The following CFAP46 variants were observed in gnomAD, a reference collection of about 807,000 sequenced individuals.
CFAP46 encodes the protein cilia- and flagella-associated protein 46.
A neutral mutation model predicts 325.7 loss-of-function variants in CFAP46; 245 were observed. The ratio of observed to expected loss-of-function variants is 0.75; its 90% CI spans 0.68 to 0.84. The LOEUF is 0.84. CFAP46 is among the 40% of genes least tolerant of loss of function. The pLI is 0.00. For synonymous variants in CFAP46, 1,523 were observed against 1,495.9 expected (o/e 1.02, Z -0.42); for missense variants, 3,346 against 3,543.0 (o/e 0.94, Z 1.41).
chr10:132,816,328 C>CTTTTTT (rs1008391673), intron 50 of CFAP46, among the ~76,000 whole-genome samples: 13 of 118,846 alleles, frequency 1.1e-4, no homozygotes, highest in Admixed American at 1.7e-4. Flanking sequence ...CTGACTTCTT[C>CTTTTTT]TTTTTTTTTT....
At chr10:132,809,076 C>T (rs968104388) in intron 57 of CFAP46, among the ~76,000 whole-genome samples, 172 bp from the exon 58 acceptor site, 1 of 152,140 alleles carries the variant, frequency 6.6e-6, no homozygotes, top group Non-Finnish European at 1.5e-5. Flanking sequence ...GCACCCCTCC[C>T]GCACCGAGGT....
chr10:132,846,966 G>C lies in CFAP46; in HGVS notation c.6233C>G (p.Pro2078Arg), dbSNP rs776211257. ...EMVECVGTLD[P>R]ATTCQFLALS... ...AGCCAGGAACTGGCAGGTAGTTGCAGGGTCCAGGGTGCCGACACACTCCAC... is the reference window on the plus strand; with the variant it reads ...AGCCAGGAACTGGCAGGTAGTTGCACGGTCCAGGGTGCCGACACACTCCAC... The change falls in exon 43 of 58, where the codon CCT becomes CGT. Residue 2078 changes from proline (P) to arginine (R), a missense_variant. By Grantham distance (103) the Pro-to-Arg change is moderately radical. Transcript: ENST00000368586. The C allele has an allele frequency of 6.2e-7, 1 of 1,610,794 alleles. No homozygotes were observed. The highest frequency in any genetic ancestry group is 8.5e-7 in the Non-Finnish European group (1 of 1,179,752).
In CFAP46 at chr10:132,867,521, A is replaced by C. The variant is rs1482974230; in HGVS notation, c.4611-14T>G. ...TCTTTTCTGCAGCTAATGCGAGGAA[A>C]ACAGACAATACGCAAGAGCCACATG... On this transcript the variant is annotated splice_polypyrimidine_tract_variant and intron_variant, in intron 33 of 57. Transcript: ENST00000368586. 1 of 1,548,714 alleles carries C rather than the reference A, an allele frequency of 6.5e-7. No individual in the cohort carries two copies. The highest frequency in any genetic ancestry group is 8.7e-7 in the Non-Finnish European group (1 of 1,146,738).
Position 132,810,939 on chromosome 10 carries a change from C to T in CFAP46, c.7583+11G>A. 6.3e-7 allele frequency: 1 copy of T among 1,584,966 alleles called. No individual in the cohort carries two copies. The highest frequency in any genetic ancestry group is 1.2e-5 in the South Asian group (1 of 86,908). Reference sequence around the variant, plus strand: ...AGCATCCCTGCCCACCCGTTCCAGGCAGCCAGGCACCTCCTGTGCTCCACG... The same window carrying T: ...AGCATCCCTGCCCACCCGTTCCAGGTAGCCAGGCACCTCCTGTGCTCCACG... On this transcript the variant is annotated intron_variant, in intron 56 of 57. Coordinates refer to ENST00000368586, the MANE Select transcript of CFAP46 (RefSeq NM_001200049.3).
intron 25 of CFAP46, among the ~76,000 whole-genome samples, chr10:132,887,420 C>CCT (rs1849162916): frequency 9.3e-6 from 1 of 107,046 alleles, no homozygotes; most frequent in Non-Finnish European, 1.9e-5. Flanking sequence ...TCTCCTCTCT[C>CCT]CTCCCCTCTT....
At chr10:132,815,763 GTGACAGAGCGAGAC>G (rs1363128365) in intron 50 of CFAP46, among the ~76,000 whole-genome samples, 24 of 152,306 alleles carry the variant, frequency 1.6e-4, no homozygotes, top group Admixed American at 1.3e-4. Flanking sequence ...TCCAGCCTGG[GTGACAGAGCGAGAC>G]CGTCAGGAAG....
rs552296604 is a variant in CFAP46, at chr10:132,933,679, G to A, written c.866+1073C>T. Reference sequence around the variant, plus strand: ...CCCCTCCCTCGAGGAGCCTGCAGCTGAGCAGCGGAGACCTCAATGTTGGGC... The same window carrying A: ...CCCCTCCCTCGAGGAGCCTGCAGCTAAGCAGCGGAGACCTCAATGTTGGGC... On this transcript the variant is annotated intron_variant, in intron 8 of 57. Transcript: ENST00000368586. Among the ~76,000 whole-genome samples the A allele has an allele frequency of 2.0e-5, 3 of 152,362 alleles. No individual in the cohort carries two copies. In the South Asian group the frequency reaches 6.2e-4, roughly 32 times the overall value.
At chr10:132,898,494 T>C in intron 24 of CFAP46, 1 of 304,778 alleles carries the variant, frequency 3.3e-6, no homozygotes. Context: ...CCCCATCCCC[T>C]GGGCCTTGGG....
rs143310642 is a variant in CFAP46, at chr10:132,865,505, G to A, written c.4890+520C>T. 2.0e-3 allele frequency among the ~76,000 whole-genome samples: 308 copies of A among 152,328 alleles called. 2 individuals are homozygous for A. Among genetic ancestry groups the A allele is most frequent in the African/African-American group, 3.1e-3 (128 of 41,574 alleles). ...AGACCAAACAGGTGCAGCGCCCGCC[G>A]GGGAGACGGGGCCTCAGCAAACGTC... On this transcript the variant is annotated intron_variant, in intron 35 of 57. Transcript: ENST00000368586.
chr10:132,885,766 G>A (rs1311990296), intron 26 of CFAP46, 55 bp downstream of exon 26: 131 of 1,465,678 alleles, frequency 8.9e-5, no homozygotes, highest in Non-Finnish European at 1.2e-4. Flanking sequence ...CAGGCGGTGG[G>A]GGGAGCACTC....
Position 132,860,692 on chromosome 10 carries a change from T to G in CFAP46, c.5091+90A>C, listed in dbSNP as rs565920264. 151 of 1,402,952 alleles carry G rather than the reference T, an allele frequency of 1.1e-4. No homozygotes were observed. In the Admixed American group the frequency reaches 2.8e-3, roughly 26 times the overall value. The allele number at this position is 1,402,952 out of a possible 1,614,324, so 86.9% of individuals were successfully genotyped here. ...GGATCCAGGCGTGTCATCAGCGGTCTGCCAGGCAGAGCCCCATGGACGCCC... is the reference window on the plus strand; with the variant it reads ...GGATCCAGGCGTGTCATCAGCGGTCGGCCAGGCAGAGCCCCATGGACGCCC... On this transcript the variant is annotated intron_variant, in intron 36 of 57. Coordinates refer to ENST00000368586, the MANE Select transcript of CFAP46 (RefSeq NM_001200049.3).
At chr10:132,924,650 T>C in intron 11 of CFAP46, 46 bp downstream of exon 11, 2 of 1,406,098 alleles carry the variant, frequency 1.4e-6, no homozygotes, top group Non-Finnish European at 9.2e-7. Context: ...TCTCCTCCTA[T>C]GCGCCACGCC....
At chr10:132,816,425 G>A (rs992035822) in intron 50 of CFAP46, among the ~76,000 whole-genome samples, 16 of 147,066 alleles carry the variant, frequency 1.1e-4, no homozygotes, top group East Asian at 4.1e-4. Flanking sequence ...TCCACCTCCC[G>A]GGTTCACACC....
In CFAP46 at chr10:132,889,491, A is replaced by C. The variant is rs1323315545; in HGVS notation, c.3304+2842T>G. Among the ~76,000 whole-genome samples, 1 of 152,158 alleles carries C rather than the reference A, an allele frequency of 6.6e-6. No individual in the cohort carries two copies. Among genetic ancestry groups the C allele is most frequent in the African/African-American group, 2.4e-5 (1 of 41,442 alleles). ...CTGCGTCTGAAACTTGGGAACCCTG[A>C]GCCCTGCTTCCTCCTGCTTGAATTC... On this transcript the variant is annotated intron_variant, in intron 25 of 57. Transcript: ENST00000368586. The surrounding 1 kb of genome is among the most constrained non-coding windows in gnomAD (Gnocchi z 6.0).
chr10:132,859,326 C>T, intron 37 of CFAP46, 79 bp from the exon 38 acceptor site: 1 of 1,300,806 alleles, frequency 7.7e-7, no homozygotes, highest in Non-Finnish European at 1.0e-6. Context: ...TGCCGCTGTT[C>T]TCCCCGGTGT....
chr10:132,810,633 G>A, intron 56 of CFAP46, 144 bp from the exon 57 acceptor site: 1 of 796,200 alleles, frequency 1.3e-6, no homozygotes, highest in Non-Finnish European at 2.2e-6. Flanking sequence ...AGCAGCGTCG[G>A]CCACTGGTTT....
chr10:132,890,715 C>T (rs910403443), intron 25 of CFAP46, among the ~76,000 whole-genome samples: 1 of 152,158 alleles, frequency 6.6e-6, no homozygotes, highest in Non-Finnish European at 1.5e-5. Context: ...TTAACCCTTC[C>T]TCTGCTGCAG....
At chr10:132,858,922 G>A (rs11146551) in intron 38 of CFAP46, 149 bp downstream of exon 38, 64,370 of 774,870 alleles carry the variant, frequency 0.083, 2,956 homozygotes, top group Non-Finnish European at 0.088. Flanking sequence ...TGGGTGAGGC[G>A]GCAGCCGAGA....
chr10:132,922,258 G>A (rs910452262), intron 12 of CFAP46, 34 bp from the exon 13 acceptor site: 9 of 1,537,118 alleles, frequency 5.9e-6, no homozygotes, highest in Admixed American at 2.0e-5. Flanking sequence ...GCAAGGGGCC[G>A]CTGGACTTTC....
Sources: gnomAD v4.1 joint callset for allele counts (sites outside exome capture counted in the v4.1 genomes callset) on GRCh38, gnomAD v4.1.1 for gene constraint, Gnocchi (gnomAD v3.1) non-coding constraint, MANE v1.5 for transcripts, NCBI Gene and HGNC (gene_info 2026-07-23, HGNC 2026-07-21) for gene names.